Variants in POM121C observed in about 807,000 individuals in gnomAD.
POM121C encodes nuclear envelope pore membrane protein POM 121C.
A neutral mutation model predicts 66.4 loss-of-function variants in POM121C; 20 were observed. The ratio of observed to expected loss-of-function variants is 0.30; its 90% confidence interval spans 0.21 to 0.44. The LOEUF (loss-of-function observed/expected upper bound fraction) is 0.44. Among genes scored for constraint, POM121C ranks in the 20% least tolerant of loss-of-function variants. The pLI is 1.00. For synonymous variants in POM121C, 286 were observed against 528.0 expected (o/e 0.54, Z 6.28); for missense variants, 580 against 1,225.7 (o/e 0.47, Z 7.87).
At chr7:75,471,850 C>G (rs61525887) in intron 3 of POM121C, among the ~76,000 whole-genome samples, 11,517 of 152,136 alleles carry the variant, frequency 0.076, 1,432 homozygotes, top group African/African-American at 0.26. Context: ...TTAACATTAC[C>G]GTACACTTAA....
intron 3 of POM121C, among the ~76,000 whole-genome samples, chr7:75,468,313 CTTTTTTT>C (rs59483137): frequency 1.1e-5 from 1 of 89,726 alleles, no homozygotes; most frequent in Non-Finnish European, 2.1e-5. Context: ...AAGACTCCAG[CTTTTTTT>C]TTTTTTTTTT....
intron 3 of POM121C, among the ~76,000 whole-genome samples, chr7:75,447,704 T>C (rs1285097106): frequency 6.6e-6 from 1 of 151,202 alleles, no homozygotes; most frequent in African/African-American, 2.4e-5. Context: ...CTGGGCAACA[T>C]AGTGAGACCC....
intron 3 of POM121C, among the ~76,000 whole-genome samples, chr7:75,446,825 C>T (rs1167956537): frequency 2.0e-5 from 3 of 150,990 alleles, no homozygotes; most frequent in East Asian, 2.0e-4. Flanking sequence ...CTGGCTACCA[C>T]GGTGAAACGC....
chr7:75,474,847 G>C lies in POM121C; in HGVS notation c.-295C>G. The C allele has an allele frequency of 3.8e-6, 5 of 1,301,622 alleles. No homozygotes were observed. In the South Asian group the frequency reaches 6.3e-5, roughly 16 times the overall value. The allele number at this position is 1,301,622 out of a possible 1,614,324, so 80.6% of individuals were successfully genotyped here. A position where few individuals can be genotyped will look rare whatever the true frequency, so the allele number is the denominator to read the frequency against. ...GACTTGGGCAAGTTGCTCGGCTTCA[G>C]AATCTCCGAAGTACAAGATGTTGCC... On this transcript the variant is annotated 5_prime_UTR_variant, in exon 3 of 15. Transcript: ENST00000615331.
At chr7:75,454,789 G>A (rs1414698250) in intron 3 of POM121C, among the ~76,000 whole-genome samples, 2 of 152,272 alleles carry the variant, frequency 1.3e-5, no homozygotes, top group African/African-American at 4.8e-5. Context: ...GATGGCACAC[G>A]GCATGTCCCG....
chr7:75,471,445 G>A (rs1791873670), intron 3 of POM121C, among the ~76,000 whole-genome samples: 2 of 151,834 alleles, frequency 1.3e-5, no homozygotes, highest in South Asian at 4.2e-4. Context: ...TAATCCACCT[G>A]CCTCCACCTC....
chr7:75,439,275 C>T (rs1790537860), intron 5 of POM121C, 51 bp from the exon 6 acceptor site: 173 of 1,607,950 alleles, frequency 1.1e-4, no homozygotes, highest in Non-Finnish European at 1.4e-4. Context: ...TTTGTTTGTC[C>T]CTTTAAAGTG....
At chr7:75,480,881 A>G (rs1554480003) in intron 1 of POM121C, among the ~76,000 whole-genome samples, 2 of 152,028 alleles carry the variant, frequency 1.3e-5, no homozygotes, top group African/African-American at 4.8e-5. Context: ...TAGTTTAGAT[A>G]AAAGTATTAA....
At chr7:75,441,279 A>C in intron 4 of POM121C, among the ~76,000 whole-genome samples, 153 bp downstream of exon 4, 1 of 152,064 alleles carries the variant, frequency 6.6e-6, no homozygotes, top group East Asian at 1.9e-4. Context: ...AAAAGTGAAA[A>C]ACAAACGGTT....
chr7:75,421,552 G>A lies in POM121C; in HGVS notation c.2700C>T (p.Ala900=), dbSNP rs1554470630. 1.2e-6 allele frequency: 2 copies of A among 1,612,068 alleles called. No homozygotes were observed. Among genetic ancestry groups the A allele is most frequent in the East Asian group, 2.2e-5 (1 of 44,870 alleles). The change falls in exon 13 of 15, where the codon GCC becomes GCT. Residue 900 remains alanine (A), a synonymous_variant. Coordinates refer to ENST00000615331, the MANE Select transcript of POM121C (RefSeq NM_001099415.3). ...LGTTGQSTPF[A]FNVGSTTESK... is the part of the protein sequence containing the mutation. Reference sequence around the variant, plus strand: ...TCTCAGTTGTGCTGCCCACGTTGAAGGCAAACGGTGTGCTCTGGCCGGTGG... The same window carrying A: ...TCTCAGTTGTGCTGCCCACGTTGAAAGCAAACGGTGTGCTCTGGCCGGTGG...
At chr7:75,420,404 G>C (rs1554470450) in intron 13 of POM121C, 1 of 152,094 alleles carries the variant, frequency 6.6e-6, no homozygotes, top group Admixed American at 6.6e-5. Flanking sequence ...GTGCTTGCTG[G>C]GGTCTCCACA....
intron 3 of POM121C, among the ~76,000 whole-genome samples, chr7:75,458,638 C>A (rs1554476627): frequency 6.6e-6 from 1 of 152,250 alleles, no homozygotes. Context: ...AGAACCAGAG[C>A]CCTGCTGGCC....
At chr7:75,439,264 CTT>C in intron 5 of POM121C, 40 bp from the exon 6 acceptor site, 1 of 1,612,254 alleles carries the variant, frequency 6.2e-7, no homozygotes, top group South Asian at 1.1e-5. Flanking sequence ...AATGACATGA[CTT>C]TGTTTGTCCC....
intron 7 of POM121C, among the ~76,000 whole-genome samples, chr7:75,428,145 CT>C (rs1286372414): frequency 1.3e-3 from 193 of 146,108 alleles, no homozygotes; most frequent in Non-Finnish European, 1.7e-3. Flanking sequence ...ACCTGTGGAA[CT>C]TTTTTTTTTT....
rs1584646238 is a variant in POM121C at position 75,423,006 on chromosome 7, T to G, written c.1246A>C (p.Thr416Pro). 2 of 1,545,768 alleles carry G rather than the reference T, an allele frequency of 1.3e-6. No homozygotes were observed. The highest frequency in any genetic ancestry group is 3.0e-5 in the African/African-American group (2 of 66,236). ...TTGGTAGCCGTCTCTGCCTGAAGGG[T>G]TGGAGGTGCCTTGGTGTCAGTGGCT... Reference protein sequence around the residue: ...VPATDTKAPPTLQAETATKPQ... With the variant: ...VPATDTKAPPPLQAETATKPQ... Residue 416 changes from threonine (T) to proline (P), a missense_variant, in exon 13 of 15, where the codon ACC (threonine) becomes CCC (proline). Transcript: ENST00000615331.
At chr7:75,430,583 G>A (rs1328011098) in intron 7 of POM121C, among the ~76,000 whole-genome samples, 16 of 152,064 alleles carry the variant, frequency 1.1e-4, no homozygotes, top group Admixed American at 1.0e-3. Context: ...GCTTCTAGAA[G>A]GTAGCATAGA....
intron 1 of POM121C, among the ~76,000 whole-genome samples, chr7:75,477,341 AG>A (rs1792129774): frequency 6.6e-6 from 1 of 152,206 alleles, no homozygotes; most frequent in African/African-American, 2.4e-5. Context: ...CCAACACTTT[AG>A]AAGGCCGAGG....
chr7:75,461,145 A>G (rs1294586430), intron 3 of POM121C, among the ~76,000 whole-genome samples: 1 of 152,154 alleles, frequency 6.6e-6, no homozygotes, highest in African/African-American at 2.4e-5. Flanking sequence ...GGTGACTGAG[A>G]GAATCACATT....
Position 75,475,104 on chromosome 7 carries a change from C to T in POM121C, c.-373G>A, listed in dbSNP as rs587636086. ...CTGTAGTTCTCCAACATCACATCCCCGTATGTTATCTTCTCATCAGGGTCC... is the reference window on the plus strand; with the variant it reads ...CTGTAGTTCTCCAACATCACATCCCTGTATGTTATCTTCTCATCAGGGTCC... On this transcript the variant is annotated 5_prime_UTR_variant, in exon 2 of 15. Transcript: ENST00000615331. 0.01 allele frequency: 15,199 copies of T among 1,518,222 alleles called. 98 individuals are homozygous for T. Among genetic ancestry groups the T allele is most frequent in the Middle Eastern group, 0.02 (103 of 5,158 alleles). The allele number at this position is 1,518,222 out of a possible 1,614,324, so 94.0% of individuals were successfully genotyped here.
Sources: allele counts gnomAD v4.1 joint callset (sites outside exome capture counted in the v4.1 genomes callset), GRCh38; gene constraint gnomAD v4.1.1; transcripts MANE v1.5; gene names NCBI Gene and HGNC (gene_info 2026-07-23, HGNC 2026-07-21).